The following TMEM231 variants were observed in gnomAD, a reference collection of about 807,000 sequenced individuals.
TMEM231 encodes the protein transmembrane protein 231.
A neutral mutation model predicts 38.5 loss-of-function variants in TMEM231; 40 were observed. The observed-to-expected ratio is 1.04, with a 90% CI of 0.81 to 1.35. The LOEUF is 1.35. Among genes scored for constraint, TMEM231 ranks in the 40% most tolerant of loss-of-function variants. TMEM231 has a pLI of 0.00. For synonymous variants in TMEM231, 199 were observed against 181.7 expected, an observed-to-expected ratio of 1.10 and a Z score of -0.77; for missense variants, 420 against 416.9, an observed-to-expected ratio of 1.01 and a Z score of -0.07.
chr16:75,551,166 C>T (rs984639845), intron 2 of TMEM231, among the ~76,000 whole-genome samples: 2 of 152,196 alleles, frequency 1.3e-5, no homozygotes, highest in Admixed American at 6.5e-5. Context: ...ACTGCCACTT[C>T]GTGGTTCCTT....
intron 4 of TMEM231, among the ~76,000 whole-genome samples, chr16:75,543,264 T>G (rs143301132): frequency 0.014 from 2,098 of 150,306 alleles, 58 homozygotes; most frequent in African/African-American, 0.049. Flanking sequence ...CAAAAAAAAA[T>G]AAAAATAAAA....
chr16:75,541,454 A>G lies in TMEM231; in HGVS notation c.666T>C (p.Val222=), dbSNP rs1472285400. 2 of 1,602,384 alleles carry G rather than the reference A, an allele frequency of 1.2e-6. No individual in the cohort carries two copies. Among genetic ancestry groups the G allele is most frequent in the Admixed American group, 1.7e-5 (1 of 58,794 alleles). ...HIVAAYQERN[V]TTVLNDPNPI... ...GGTTGGGATCATTCAGGACGGTGGT[A>G]ACTGCAATGCAATCATTAACCATTA... Residue 222 remains valine (V), a splice_region_variant and synonymous_variant, in exon 6 of 7, where the codon GTT becomes GTC. Coordinates refer to ENST00000258173, the MANE Select transcript of TMEM231 (RefSeq NM_001077418.3).
At chr16:75,543,849 T>G (rs1246787602) in intron 4 of TMEM231, among the ~76,000 whole-genome samples, 1 of 152,232 alleles carries the variant, frequency 6.6e-6, no homozygotes, top group Non-Finnish European at 1.5e-5. Context: ...CAACTTATAT[T>G]GATTATAGTC....
intron 2 of TMEM231, among the ~76,000 whole-genome samples, chr16:75,553,125 T>A (rs944912209): frequency 2.0e-5 from 3 of 152,194 alleles, no homozygotes; most frequent in African/African-American, 7.2e-5. Context: ...AATTAGCCAC[T>A]GCAAAGCCAC....
intron 2 of TMEM231, among the ~76,000 whole-genome samples, chr16:75,554,545 C>CAAAAAAAAAAAAAAAAAAAAAA (rs1185694717): frequency 3.2e-5 from 3 of 94,070 alleles, no homozygotes; most frequent in African/African-American, 3.9e-5. Context: ...GACTGTGTCT[C>CAAAAAAAAAAAAAAAAAAAAAA]AAAAAAAAAA....
chr16:75,539,939 CAGA>C lies in TMEM231; in HGVS notation c.*52_*54del. 6.6e-7 allele frequency: 1 copy of C among 1,509,404 alleles called. No individual in the cohort carries two copies. Among genetic ancestry groups the C allele is most frequent in the Non-Finnish European group, 9.0e-7 (1 of 1,114,680 alleles). 93.5% of individuals were successfully genotyped at this position (1,509,404 alleles called of 1,614,324 possible). ...CTTTCAAAAGGTCCTAAGATGTTCC[CAGA>C]AGATGACAATGAGGCAGCCACGGTC... is the stretch of plus-strand genomic sequence containing the variant. On this transcript the variant is annotated 3_prime_UTR_variant, in exon 7 of 7. Transcript: ENST00000258173.
In TMEM231 at chr16:75,555,944, C is replaced by G; in HGVS notation, c.169G>C (p.Glu57Gln). ...GFWLKRSSYE[E>Q]QPTVRFQHQV... ...TGTTGGAAGCGCACGGTCGGCTGCT[C>G]CTCGTAGCTGCTCCGCTTCAGCCAA... Residue 57 changes from glutamate (E) to glutamine (Q), a missense_variant, in exon 2 of 7, where the codon GAG (glutamate) becomes CAG (glutamine). Glu to Gln is a conservative substitution (Grantham distance 29, BLOSUM62 2). Coordinates refer to ENST00000258173, the MANE Select transcript of TMEM231 (RefSeq NM_001077418.3). 1.2e-6 allele frequency: 2 copies of G among 1,604,698 alleles called. No homozygotes were observed. Among genetic ancestry groups the G allele is most frequent in the Non-Finnish European group, 1.7e-6 (2 of 1,176,124 alleles).
chr16:75,540,285 T>C (rs190981067), intron 6 of TMEM231, 111 bp from the exon 7 acceptor site: 5 of 1,056,842 alleles, frequency 4.7e-6, no homozygotes, highest in African/African-American at 3.2e-5. Context: ...ACCTCTGTCA[T>C]GTACACACCC....
chr16:75,540,088 C>A lies in TMEM231; in HGVS notation c.857G>T (p.Arg286Ile). 1.2e-6 allele frequency: 2 copies of A among 1,613,840 alleles called. No homozygotes were observed. The highest frequency in any genetic ancestry group is 3.3e-4 in the Middle Eastern group (2 of 6,058). The change falls in exon 7 of 7, where the codon AGA becomes ATA. Residue 286 changes from arginine (R) to isoleucine (I), a missense_variant. Transcript: ENST00000258173. ...ILLIFLWVFE[R>I]IKIFVFQNQV... The stretch of plus-strand genomic sequence containing the variant: ...ATTCTGAAACACGAAGATCTTGATT[C>A]TTTCAAACACCCAGAGGAAGATAAG...
At chr16:75,550,745 T>C (rs967544297) in intron 2 of TMEM231, among the ~76,000 whole-genome samples, 16 of 150,794 alleles carry the variant, frequency 1.1e-4, no homozygotes, top group Non-Finnish European at 1.9e-4. Flanking sequence ...AGATGCAGTC[T>C]GGCTCTGTTG....
intron 2 of TMEM231, among the ~76,000 whole-genome samples, chr16:75,546,755 G>C (rs528084561): frequency 1.3e-5 from 2 of 152,098 alleles, no homozygotes; most frequent in African/African-American, 4.8e-5. Flanking sequence ...ACCAAACTCT[G>C]TTTATAGATT....
intron 4 of TMEM231, among the ~76,000 whole-genome samples, chr16:75,544,949 CTTTTTTTT>C (rs71134720): frequency 2.2e-5 from 2 of 89,620 alleles, no homozygotes; most frequent in Non-Finnish European, 4.8e-5. Context: ...TTTTCTTTTT[CTTTTTTTT>C]TTTTTTTTTT....
rs1055260825 is a variant in TMEM231 at position 75,538,554 on chromosome 16, T to C, written c.*1440A>G. On this transcript the variant is annotated 3_prime_UTR_variant, in exon 7 of 7. Transcript: ENST00000258173. ...GGGGGTCAGTGTTAGGGAATTCCTC[T>C]GCTTGAATACTTCAAAATAGCTTTG... The C allele has an allele frequency of 6.6e-6, 1 of 152,216 alleles. No individual in the cohort carries two copies. Among genetic ancestry groups the C allele is most frequent in the Non-Finnish European group, 1.5e-5 (1 of 68,042 alleles). The allele number at this position is 152,216 out of a possible 1,614,324, so 9.4% of individuals were successfully genotyped here. A position where few individuals can be genotyped will look rare whatever the true frequency, so the allele number is the denominator to read the frequency against.
chr16:75,544,291 T>G (rs746307010), intron 4 of TMEM231, among the ~76,000 whole-genome samples: 5 of 151,560 alleles, frequency 3.3e-5, no homozygotes, highest in Non-Finnish European at 5.9e-5. Flanking sequence ...TGAGGAATGG[T>G]GGAAGGAGGG....
rs866851976 is a variant in TMEM231, at chr16:75,552,123, G to A, written c.309+3681C>T. Among the ~76,000 whole-genome samples, 4 of 152,134 alleles carry A rather than the reference G, an allele frequency of 2.6e-5. No homozygotes were observed. In the South Asian group the frequency reaches 8.3e-4, roughly 32 times the overall value. On this transcript the variant is annotated intron_variant, in intron 2 of 6. Transcript: ENST00000258173. ...CTTTGTCCTTTGTGCCATCAAACAT[G>A]TTGGTGATACAGCATTAAAAGAAAA...
At chr16:75,553,818 T>C (rs2080786030) in intron 2 of TMEM231, among the ~76,000 whole-genome samples, 1 of 152,232 alleles carries the variant, frequency 6.6e-6, no homozygotes, top group South Asian at 2.1e-4. Context: ...CTATCATTTC[T>C]GGCGGCAAAT....
Position 75,556,162 on chromosome 16 carries a change from G to C in TMEM231, c.48C>G (p.Arg16=). The C allele has an allele frequency of 6.5e-7, 1 of 1,548,320 alleles. No individual in the cohort carries two copies. Among genetic ancestry groups the C allele is most frequent in the Non-Finnish European group, 8.7e-7 (1 of 1,150,434 alleles). The change falls in exon 1 of 7, where the codon CGC becomes CGG. Residue 16 remains arginine, a synonymous_variant. Transcript: ENST00000258173. Reference sequence around the variant, plus strand: ...GCGCGGCTTTGGAGCAGAGCCCCGCGCGGTAACTGCGCTCGACCGGGTGAG... The same window carrying C: ...GCGCGGCTTTGGAGCAGAGCCCCGCCCGGTAACTGCGCTCGACCGGGTGAG... The part of the protein sequence containing the change: ...LFSHPVERSY[R]AGLCSKAALF...
chr16:75,547,869 T>C (rs1209217421), intron 2 of TMEM231, among the ~76,000 whole-genome samples: 1 of 152,054 alleles, frequency 6.6e-6, no homozygotes, highest in African/African-American at 2.4e-5. Flanking sequence ...CTTATGTAAC[T>C]CTCTGTGATG....
chr16:75,546,694 CA>C (rs2080696861), intron 2 of TMEM231, among the ~76,000 whole-genome samples: 1 of 152,160 alleles, frequency 6.6e-6, no homozygotes, highest in African/African-American at 2.4e-5. Flanking sequence ...CCGCCCACCT[CA>C]GGCTCCCAAA....
Sources: gnomAD v4.1 joint callset for allele counts (sites outside exome capture counted in the v4.1 genomes callset) on GRCh38, gnomAD v4.1.1 for gene constraint, MANE v1.5 for transcripts, NCBI Gene and HGNC (gene_info 2026-07-23, HGNC 2026-07-21) for gene names.